PPARGC1B: variants seen among roughly 807,000 people sequenced by gnomAD.
PPARGC1B encodes peroxisome proliferator-activated receptor gamma coactivator 1-beta.
Under a neutral mutation model 101.6 loss-of-function variants are expected in PPARGC1B, and 34 were observed. The ratio of observed to expected loss-of-function variants is 0.33; its 90% CI spans 0.25 to 0.45. PPARGC1B has a LOEUF of 0.45. Ranked by LOEUF, PPARGC1B falls within the 20% of genes least tolerant of loss-of-function variation. The probability of loss-of-function intolerance (pLI) is 1.00; values close to 1 mark genes in which losing one functional copy is unlikely to be tolerated. For missense variants in PPARGC1B, 1,234 were observed against 1,317.6 expected, an observed-to-expected ratio of 0.94 and a Z score of 0.98; for synonymous variants, 548 against 539.3, an observed-to-expected ratio of 1.02 and a Z score of -0.22.
chr5:149,760,901 G>T (rs1755693337), intron 1 of PPARGC1B, among the ~76,000 whole-genome samples: 1 of 152,146 alleles, frequency 6.6e-6, no homozygotes, highest in African/African-American at 2.4e-5. Context: ...GCCCAGAACT[G>T]GGGGATGGGG....
Position 149,847,956 on chromosome 5 carries a change from G to T in PPARGC1B, c.*398G>T. On this transcript the variant is annotated 3_prime_UTR_variant, in exon 12 of 12. Transcript: ENST00000309241. ...ATGATGAAATTGTTACTTGTGAATA[G>T]AATCAGGACTATAAACTTCATTTTT... is the stretch of plus-strand genomic sequence containing the variant. 4.9e-6 allele frequency: 1 copy of T among 202,624 alleles called. No homozygotes were observed. Among genetic ancestry groups the T allele is most frequent in the Non-Finnish European group, 1.0e-5 (1 of 99,032 alleles). 12.6% of individuals were successfully genotyped at this position (202,624 alleles called of 1,614,324 possible). A position where few individuals can be genotyped will look rare whatever the true frequency, so the allele number is the denominator to read the frequency against.
intron 1 of PPARGC1B, among the ~76,000 whole-genome samples, chr5:149,810,985 A>G (rs1312622070): frequency 6.6e-6 from 1 of 152,170 alleles, no homozygotes; most frequent in Non-Finnish European, 1.5e-5. Flanking sequence ...CTTCTTATCT[A>G]ATGAGAGTGG....
intron 1 of PPARGC1B, among the ~76,000 whole-genome samples, chr5:149,785,775 A>G (rs1189440894): frequency 1.3e-5 from 2 of 152,200 alleles, no homozygotes; most frequent in Non-Finnish European, 2.9e-5. Flanking sequence ...ACTCCAACCT[A>G]GGTTGACACT....
At chr5:149,731,433 G>A (rs1025048728) in intron 1 of PPARGC1B, among the ~76,000 whole-genome samples, 2 of 152,196 alleles carry the variant, frequency 1.3e-5, no homozygotes, top group African/African-American at 4.8e-5. Flanking sequence ...CCGGCTGCGG[G>A]TCATTGGGAA....
At chr5:149,748,615 A>G (rs1272200791) in intron 1 of PPARGC1B, among the ~76,000 whole-genome samples, 1 of 152,136 alleles carries the variant, frequency 6.6e-6, no homozygotes, top group African/African-American at 2.4e-5. Context: ...TTGCAGCAGA[A>G]AGGGTATTGA....
At position 149,826,991 on chromosome 5, in the gene PPARGC1B, G is replaced by A. The variant is rs559269626; in HGVS notation, c.465+106G>A. The A allele has an allele frequency of 7.4e-5, 64 of 862,694 alleles. No homozygotes were observed. In the East Asian group the frequency reaches 8.6e-4, roughly 12 times the overall value. The allele number at this position is 862,694 out of a possible 1,614,324, so 53.4% of individuals were successfully genotyped here. Reference sequence around the variant, plus strand: ...CCGCTCCAGCCCCGCAGGGGACTCCGTGCATCACTGGCAATATTGATCACA... The same window carrying A: ...CCGCTCCAGCCCCGCAGGGGACTCCATGCATCACTGGCAATATTGATCACA... On this transcript the variant is annotated intron_variant, in intron 3 of 11. Transcript: ENST00000309241.
intron 1 of PPARGC1B, among the ~76,000 whole-genome samples, chr5:149,799,693 G>GTTGTTGTTGTTTTTTTTTTTTTTTTT (rs752427488): frequency 9.2e-5 from 7 of 76,460 alleles, no homozygotes; most frequent in African/African-American, 4.0e-4. Context: ...GCTTGTTGTT[G>GTTGTTGTTGTTTTTTTTTTTTTTTTT]TTTTTTTTTT....
intron 1 of PPARGC1B, among the ~76,000 whole-genome samples, chr5:149,776,125 T>A (rs1280878024): frequency 6.6e-6 from 1 of 151,086 alleles, no homozygotes; most frequent in Non-Finnish European, 1.5e-5. Context: ...AGTATGTTTC[T>A]TTTTGAACCC....
chr5:149,774,000 G>A lies in PPARGC1B; in HGVS notation c.78+43580G>A, dbSNP rs149558398. On this transcript the variant is annotated intron_variant, in intron 1 of 11. Transcript: ENST00000309241. ...TGTACCTGCCAGTCAGAAAGCAGGT[G>A]TCCAGTGGTGAGCCTCAGGGCTCCA... 9.4e-4 allele frequency among the ~76,000 whole-genome samples: 143 copies of A among 152,348 alleles called. 5 individuals carry two copies. The East Asian group carries it at 0.02, about 22-fold the overall frequency.
At position 149,834,776 on chromosome 5, in the gene PPARGC1B, G is replaced by C. The variant is rs111287964; in HGVS notation, c.1742+66G>C. 2.0e-3 allele frequency: 2,919 copies of C among 1,444,458 alleles called. 3 individuals carry two copies. The highest frequency in any genetic ancestry group is 2.3e-3 in the Non-Finnish European group (2,406 of 1,027,146). 89.5% of individuals were successfully genotyped at this position (1,444,458 alleles called of 1,614,324 possible). A position where few individuals can be genotyped will look rare whatever the true frequency, so the allele number is the denominator to read the frequency against. ...TTTGTCTTGTTGGATGTGTGTGTTG[G>C]TGGTGATGGGGGATTCATCAGCGCC... is the stretch of plus-strand genomic sequence containing the variant. On this transcript the variant is annotated intron_variant, in intron 6 of 11. Coordinates refer to ENST00000309241, the MANE Select transcript of PPARGC1B (RefSeq NM_133263.4).
intron 1 of PPARGC1B, among the ~76,000 whole-genome samples, chr5:149,788,946 G>C (rs540127894): frequency 6.6e-6 from 1 of 152,282 alleles, no homozygotes; most frequent in Admixed American, 6.5e-5. Flanking sequence ...GGAGTGGGGA[G>C]GGATAACATT....
chr5:149,855,499 C>T (rs1396788858), downstream of PPARGC1B, among the ~76,000 whole-genome samples: 1 of 152,082 alleles, frequency 6.6e-6, no homozygotes, highest in Non-Finnish European at 1.5e-5. Flanking sequence ...GGTATTTTGG[C>T]ATTGTGGTTC....
At chr5:149,844,360 G>A (rs1759466802) in intron 10 of PPARGC1B, among the ~76,000 whole-genome samples, 1 of 152,210 alleles carries the variant, frequency 6.6e-6, no homozygotes, top group African/African-American at 2.4e-5. Context: ...CATTAAAGAG[G>A]AAGAAGGGTC....
intron 1 of PPARGC1B, among the ~76,000 whole-genome samples, chr5:149,774,910 G>A (rs1009130090): frequency 4.6e-5 from 7 of 152,114 alleles, no homozygotes; most frequent in East Asian, 1.9e-4. Context: ...ATCCCTACTC[G>A]CGCTTCCCAG....
At chr5:149,842,414 G>C (rs1355611898) in intron 10 of PPARGC1B, 37 bp downstream of exon 10, 1 of 1,603,922 alleles carries the variant, frequency 6.2e-7, no homozygotes, top group Admixed American at 1.7e-5. Context: ...GAAGGGAGCA[G>C]AGAGGGGCAC....
At chr5:149,838,121 A>T (rs1759182800) in intron 8 of PPARGC1B, among the ~76,000 whole-genome samples, 1 of 151,464 alleles carries the variant, frequency 6.6e-6, no homozygotes, top group South Asian at 2.1e-4. Context: ...GCAAAAAAAA[A>T]TTTTTTTTTG....
intron 1 of PPARGC1B, among the ~76,000 whole-genome samples, chr5:149,759,779 T>C (rs757511399): frequency 2.6e-5 from 4 of 152,022 alleles, no homozygotes; most frequent in Non-Finnish European, 4.4e-5. Flanking sequence ...TGCTTGGGAG[T>C]TGGTGAATGG....
At position 149,831,759 on chromosome 5, in the gene PPARGC1B, G is replaced by A. The variant is rs186222835; in HGVS notation, c.582+876G>A. On this transcript the variant is annotated intron_variant, in intron 4 of 11. Coordinates refer to ENST00000309241, the MANE Select transcript of PPARGC1B (RefSeq NM_133263.4). ...CACAACGATGAGTCACACTTGGGGG[G>A]AAAGCCCCAGTGTGGACAAGCGGGG... Among the ~76,000 whole-genome samples the A allele has an allele frequency of 1.4e-3, 206 of 152,338 alleles. 2 individuals are homozygous for A. The Middle Eastern group carries it at 0.014, about 10-fold the overall frequency.
At chr5:149,757,603 A>G (rs1468129300) in intron 1 of PPARGC1B, among the ~76,000 whole-genome samples, 1 of 152,176 alleles carries the variant, frequency 6.6e-6, no homozygotes, top group Non-Finnish European at 1.5e-5. Context: ...CTCTCCAGCT[A>G]ATAGTGTCAG....
Sources: gnomAD v4.1 joint callset for allele counts (sites outside exome capture counted in the v4.1 genomes callset) on GRCh38, gnomAD v4.1.1 for gene constraint, MANE v1.5 for transcripts, NCBI Gene and HGNC (gene_info 2026-07-23, HGNC 2026-07-21) for gene names.